SLC10A7: variants seen among roughly 807,000 people sequenced by gnomAD.
SLC10A7 encodes sodium/bile acid cotransporter 7.
SLC10A7 carries 29 observed loss-of-function variants against 43.2 expected under a neutral mutation model. The ratio of observed to expected loss-of-function variants is 0.67; its 90% CI spans 0.50 to 0.92. SLC10A7 has a LOEUF of 0.92. SLC10A7 is among the 40% of genes least tolerant of loss of function. The pLI, the probability that SLC10A7 is intolerant of heterozygous loss-of-function variation, is 0.00. For missense variants in SLC10A7, 295 were observed against 403.2 expected (o/e 0.73, Z 2.30); for synonymous variants, 152 against 144.8 (o/e 1.05, Z -0.35).
At chr4:146,446,093 C>T (rs1168391788) in intron 4 of SLC10A7, among the ~76,000 whole-genome samples, 3 of 151,958 alleles carry the variant, frequency 2.0e-5, no homozygotes, top group Non-Finnish European at 4.4e-5. Flanking sequence ...GGAACCCCAC[C>T]CTCTTCTACC....
At chr4:146,406,762 C>T (rs1727736119) in intron 5 of SLC10A7, among the ~76,000 whole-genome samples, 2 of 152,132 alleles carry the variant, frequency 1.3e-5, no homozygotes, top group African/African-American at 2.4e-5. Context: ...GCGGGAGGAT[C>T]ACCTAAGGTC....
At chr4:146,521,542 GC>G in intron 1 of SLC10A7, 75 bp downstream of exon 1, 1 of 1,260,446 alleles carries the variant, frequency 7.9e-7, no homozygotes, top group Non-Finnish European at 1.1e-6. Context: ...AATGAGGGTT[GC>G]CCCACCTTTC....
At chr4:146,388,776 A>AC (rs1159293282) in intron 5 of SLC10A7, among the ~76,000 whole-genome samples, 1 of 151,864 alleles carries the variant, frequency 6.6e-6, no homozygotes, top group African/African-American at 2.4e-5. Flanking sequence ...CAACAACAAA[A>AC]AAAAAAACCC....
intron 5 of SLC10A7, among the ~76,000 whole-genome samples, chr4:146,428,237 G>C (rs1234229819): frequency 5.3e-5 from 8 of 152,096 alleles, no homozygotes; most frequent in Non-Finnish European, 8.8e-5. Flanking sequence ...AATCATTTGA[G>C]TAACTATCCT....
intron 5 of SLC10A7, among the ~76,000 whole-genome samples, chr4:146,375,783 A>C (rs114520382): frequency 0.021 from 3,253 of 152,236 alleles, 106 homozygotes; most frequent in African/African-American, 0.074. Context: ...ACAATTCTCC[A>C]GCAGACACCA....
chr4:146,494,822 C>T lies in SLC10A7; in HGVS notation c.396+9027G>A, dbSNP rs573415628. 4.6e-5 allele frequency among the ~76,000 whole-genome samples: 7 copies of T among 152,200 alleles called. No homozygotes were observed. In the East Asian group the frequency reaches 1.4e-3, roughly 29 times the overall value. On this transcript the variant is annotated intron_variant, in intron 4 of 11. Coordinates refer to ENST00000335472, the MANE Select transcript of SLC10A7 (RefSeq NM_001029998.6). ...TCACTGCTAACCTATTAAAAGGGCC[C>T]TTTTAGTTAGAGAGGTAAAAATGAA...
intron 11 of SLC10A7, among the ~76,000 whole-genome samples, chr4:146,258,201 T>C (rs1255840891): frequency 6.6e-6 from 1 of 152,222 alleles, no homozygotes; most frequent in Non-Finnish European, 1.5e-5. Flanking sequence ...TACTTAAAGT[T>C]TATTTTTTAA....
chr4:146,335,398 G>A (rs573211018), intron 5 of SLC10A7, among the ~76,000 whole-genome samples: 13 of 151,906 alleles, frequency 8.6e-5, no homozygotes, highest in South Asian at 4.2e-4. Flanking sequence ...AGATGGGCTC[G>A]AATGGATGCC....
chr4:146,256,896 T>C, intron 11 of SLC10A7: 1 of 1,536,398 alleles, frequency 6.5e-7, no homozygotes, highest in East Asian at 2.4e-5. Context: ...GCCTTCTGGA[T>C]TATTCAAGTT....
chr4:146,484,711 T>A lies in SLC10A7; in HGVS notation c.396+19138A>T, dbSNP rs192921917. Reference sequence around the variant, plus strand: ...TATTGTAGGTAAGTATTGATTTTTTTAAATAAAAGGGAAAATAAAGTTATT... The same window carrying A: ...TATTGTAGGTAAGTATTGATTTTTTAAAATAAAAGGGAAAATAAAGTTATT... On this transcript the variant is annotated intron_variant, in intron 4 of 11. Transcript: ENST00000335472. Among the ~76,000 whole-genome samples the A allele has an allele frequency of 2.5e-3, 375 of 152,266 alleles. 2 individuals are homozygous for A. The highest frequency in any genetic ancestry group is 8.8e-3 in the African/African-American group (366 of 41,542).
At chr4:146,375,557 CTCT>C (rs974424616) in intron 5 of SLC10A7, among the ~76,000 whole-genome samples, 4 of 152,184 alleles carry the variant, frequency 2.6e-5, no homozygotes, top group Admixed American at 6.5e-5. Flanking sequence ...ATTAACCTAA[CTCT>C]TCTTTTTTGT....
intron 6 of SLC10A7, among the ~76,000 whole-genome samples, chr4:146,322,072 T>C (rs1325565477): frequency 6.6e-6 from 1 of 152,104 alleles, no homozygotes. Context: ...AGCTCTATAA[T>C]TTTAGAATGT....
At chr4:146,492,109 A>C (rs1253201899) in intron 4 of SLC10A7, among the ~76,000 whole-genome samples, 1 of 151,826 alleles carries the variant, frequency 6.6e-6, no homozygotes, top group African/African-American at 2.4e-5. Context: ...AGTCCCAGCT[A>C]CTTGGGAGGC....
chr4:146,350,511 G>C (rs1212972110), intron 5 of SLC10A7, among the ~76,000 whole-genome samples: 26 of 143,586 alleles, frequency 1.8e-4, no homozygotes, highest in African/African-American at 4.5e-4. Flanking sequence ...CGGGAAGCTC[G>C]AACTGGGTGG....
chr4:146,495,182 A>G (rs1344686086), intron 4 of SLC10A7, among the ~76,000 whole-genome samples: 1 of 152,170 alleles, frequency 6.6e-6, no homozygotes, highest in Non-Finnish European at 1.5e-5. Flanking sequence ...AAGAAGGCTC[A>G]ATGCTGACAA....
chr4:146,263,054 C>T (rs920271868), intron 10 of SLC10A7, among the ~76,000 whole-genome samples: 8 of 152,260 alleles, frequency 5.3e-5, no homozygotes, highest in African/African-American at 1.9e-4. Flanking sequence ...CCATCCTTGG[C>T]CACGTGCCAT....
At chr4:146,362,776 T>G (rs1253530499) in intron 5 of SLC10A7, among the ~76,000 whole-genome samples, 1 of 152,074 alleles carries the variant, frequency 6.6e-6, no homozygotes, top group East Asian at 1.9e-4. Context: ...TTCTTTGTGA[T>G]TAAAGTTTTC....
At position 146,338,622 on chromosome 4, in the gene SLC10A7, A is replaced by G. The variant is rs1408158295; in HGVS notation, c.436-12626T>C. Among the ~76,000 whole-genome samples, 6 of 151,972 alleles carry G rather than the reference A, an allele frequency of 3.9e-5. No individual in the cohort carries two copies. The East Asian group carries it at 9.7e-4, about 24-fold the overall frequency. On this transcript the variant is annotated intron_variant, in intron 5 of 11. Transcript: ENST00000335472. ...TGAAAAGTTGATGCCCAAGGAGGCA[A>G]TGTCTCTCACTCTTGGGTGCAGAGT...
chr4:146,495,829 G>C lies in SLC10A7; in HGVS notation c.396+8020C>G, dbSNP rs183645777. Among the ~76,000 whole-genome samples the C allele has an allele frequency of 9.9e-4, 142 of 143,148 alleles. 2 individuals are homozygous for C. Among genetic ancestry groups the C allele is most frequent in the Admixed American group, 8.9e-3 (127 of 14,310 alleles). 93.9% of individuals were successfully genotyped at this position (143,148 alleles called of 152,430 possible). ...CACACAGAGGCACATACACATACTT[G>C]TTATCTTTCTTCTATACCCCAAATC... On this transcript the variant is annotated intron_variant, in intron 4 of 11. Coordinates refer to ENST00000335472, the MANE Select transcript of SLC10A7 (RefSeq NM_001029998.6).
Sources: allele counts gnomAD v4.1 joint callset (sites outside exome capture counted in the v4.1 genomes callset), GRCh38; gene constraint gnomAD v4.1.1; transcripts MANE v1.5; gene names NCBI Gene and HGNC (gene_info 2026-07-23, HGNC 2026-07-21).